Variants in CLEC4C observed in about 807,000 individuals in gnomAD.
CLEC4C encodes C-type lectin domain family 4 member C.
Under a neutral mutation model 27.7 loss-of-function variants are expected in CLEC4C, and 17 were observed. The observed-to-expected ratio is 0.61, with a 90% CI of 0.42 to 0.92. The LOEUF (loss-of-function observed/expected upper bound fraction) is 0.92, where lower values mean the gene tolerates loss of function less well. CLEC4C is among the 40% of genes least tolerant of loss of function. The probability of loss-of-function intolerance (pLI) is 0.00; values close to 1 mark genes in which losing one functional copy is unlikely to be tolerated. For missense variants in CLEC4C, 244 were observed against 257.3 expected (o/e 0.95, Z 0.35); for synonymous variants, 80 against 80.8 (o/e 0.99, Z 0.06).
chr12:7,731,060 G>C, intron 4 of CLEC4C, 148 bp from the exon 5 acceptor site: 1 of 509,652 alleles, frequency 2.0e-6, no homozygotes, highest in Non-Finnish European at 3.6e-6. Context: ...CAGACAGAAA[G>C]AGCAGACAGC....
chr12:7,737,901 G>A (rs1864765285), intron 3 of CLEC4C, among the ~76,000 whole-genome samples: 1 of 152,100 alleles, frequency 6.6e-6, no homozygotes, highest in Non-Finnish European at 1.5e-5. Flanking sequence ...AAAAGAACAT[G>A]AGTATGGCAA....
At chr12:7,736,493 T>G (rs1328010403) in intron 4 of CLEC4C, among the ~76,000 whole-genome samples, 4 of 152,200 alleles carry the variant, frequency 2.6e-5, no homozygotes, top group Non-Finnish European at 5.9e-5. Context: ...ATTTTTCCAT[T>G]TTTCAAATTC....
At chr12:7,747,223 T>C in intron 1 of CLEC4C, 95 bp downstream of exon 1, 2 of 1,071,404 alleles carry the variant, frequency 1.9e-6, no homozygotes, top group Non-Finnish European at 2.9e-6. Context: ...GCTGTCTACT[T>C]CTTCTTCCAA....
chr12:7,737,297 G>A, intron 4 of CLEC4C, 132 bp downstream of exon 4: 1 of 754,898 alleles, frequency 1.3e-6, no homozygotes, highest in East Asian at 2.8e-5. Context: ...TGTGTTTTTT[G>A]TTTTTTGGGT....
chr12:7,738,919 CG>C (rs1864789198), intron 3 of CLEC4C, among the ~76,000 whole-genome samples: 2 of 151,800 alleles, frequency 1.3e-5, no homozygotes. Flanking sequence ...CCCATTAACT[CG>C]TCATTTATGT....
intron 4 of CLEC4C, among the ~76,000 whole-genome samples, chr12:7,736,034 A>G (rs1296789869): frequency 6.6e-6 from 1 of 152,178 alleles, no homozygotes; most frequent in African/African-American, 2.4e-5. Context: ...CTGTAATCCC[A>G]GAACTTTGGG....
At position 7,729,508 on chromosome 12, in the gene CLEC4C, C is replaced by T. The variant is rs148648232; in HGVS notation, c.*88G>A. The stretch of plus-strand genomic sequence containing the variant: ...AAACATTTTAGGGGCATTCCTTGTA[C>T]AAAACTTACACATAAATTAAAAAAT... On this transcript the variant is annotated 3_prime_UTR_variant, in exon 6 of 6. Coordinates refer to ENST00000360345, the MANE Select transcript of CLEC4C (RefSeq NM_001371390.1). The T allele has an allele frequency of 2.7e-4, 351 of 1,295,246 alleles. 2 individuals are homozygous for T. In the East Asian group the frequency reaches 7.0e-3, roughly 26 times the overall value. The allele number at this position is 1,295,246 out of a possible 1,614,324, so 80.2% of individuals were successfully genotyped here.
chr12:7,729,498 A>G lies in CLEC4C; in HGVS notation c.*98T>C. ...CAGCCTGCTGAAACATTTTAGGGGC[A>G]TTCCTTGTACAAAACTTACACATAA... On this transcript the variant is annotated 3_prime_UTR_variant, in exon 6 of 6. Coordinates refer to ENST00000360345, the MANE Select transcript of CLEC4C (RefSeq NM_001371390.1). 3 of 1,101,482 alleles carry G rather than the reference A, an allele frequency of 2.7e-6. No individual in the cohort carries two copies. The highest frequency in any genetic ancestry group is 4.0e-6 in the Non-Finnish European group (3 of 757,394). 68.2% of individuals were successfully genotyped at this position (1,101,482 alleles called of 1,614,324 possible).
chr12:7,737,608 TAAC>T, intron 3 of CLEC4C, 34 bp from the exon 4 acceptor site: 2 of 1,586,820 alleles, frequency 1.3e-6, no homozygotes, highest in Non-Finnish European at 1.7e-6. Context: ...GAAAAAATAT[TAAC>T]AGAGAATTCT....
chr12:7,737,025 G>A (rs1177248023), intron 4 of CLEC4C, among the ~76,000 whole-genome samples: 1 of 152,156 alleles, frequency 6.6e-6, no homozygotes, highest in Non-Finnish European at 1.5e-5. Flanking sequence ...GAGGTCAGTA[G>A]TTCAAGATCA....
intron 5 of CLEC4C, 52 bp from the exon 6 acceptor site, chr12:7,729,792 G>A: frequency 1.4e-5 from 22 of 1,562,786 alleles, no homozygotes; most frequent in Non-Finnish European, 1.8e-5. Flanking sequence ...TTTGGAAAAG[G>A]TTAGAGACTG....
chr12:7,730,024 G>T (rs559965919), intron 5 of CLEC4C, among the ~76,000 whole-genome samples: 19 of 152,126 alleles, frequency 1.2e-4, no homozygotes, highest in Non-Finnish European at 2.4e-4. Context: ...ATGTCCAAGA[G>T]GATTCCTTCA....
intron 3 of CLEC4C, among the ~76,000 whole-genome samples, chr12:7,741,155 G>A (rs757512575): frequency 6.8e-4 from 103 of 152,208 alleles, no homozygotes; most frequent in African/African-American, 2.5e-3. Flanking sequence ...TAGAGATGCG[G>A]TTTCTCCGCA....
intron 4 of CLEC4C, among the ~76,000 whole-genome samples, chr12:7,737,163 G>A (rs143555742): frequency 7.9e-4 from 120 of 151,960 alleles, no homozygotes; most frequent in African/African-American, 2.6e-3. Context: ...CCCGGGAGGC[G>A]GAGGCTGCAG....
In CLEC4C at chr12:7,736,955, A is replaced by G. The variant is rs143989409; in HGVS notation, c.381+474T>C. 4.6e-3 allele frequency among the ~76,000 whole-genome samples: 707 copies of G among 152,266 alleles called. 4 individuals carry two copies. Among genetic ancestry groups the G allele is most frequent in the African/African-American group, 0.016 (670 of 41,572 alleles). ...AAAAAATAAAGTTATTGTTGGCCACACATGGTGGCTCACGCCTATAATCCC... is the reference window on the plus strand; with the variant it reads ...AAAAAATAAAGTTATTGTTGGCCACGCATGGTGGCTCACGCCTATAATCCC... On this transcript the variant is annotated intron_variant, in intron 4 of 5. Transcript: ENST00000360345.
At position 7,741,522 on chromosome 12, in the gene CLEC4C, T is replaced by C. The variant is rs1864855368; in HGVS notation, c.134A>G (p.Asn45Ser). 1.3e-6 allele frequency: 2 copies of C among 1,577,764 alleles called. No individual in the cohort carries two copies. Among genetic ancestry groups the C allele is most frequent in the Non-Finnish European group, 1.7e-6 (2 of 1,148,886 alleles). ...CTTGACAGTTTTGCTATACATAAAA[T>C]TGTGAGGCACTGGGAAAGAGAAATC... Reference protein sequence around the residue: ...CFTVSSVVPHNFMYSKTVKRL... With the variant: ...CFTVSSVVPHSFMYSKTVKRL... Residue 45 changes from asparagine to serine, a missense_variant, in exon 3 of 6, where the codon AAT (asparagine) becomes AGT (serine). Coordinates refer to ENST00000360345, the MANE Select transcript of CLEC4C (RefSeq NM_001371390.1).
At chr12:7,749,259 T>C (rs991178947), upstream of CLEC4C, 3 of 152,140 alleles carry the variant, frequency 2.0e-5, no homozygotes, top group African/African-American at 7.2e-5. Flanking sequence ...TTGGCTTCTT[T>C]AAAGAATTTT....
chr12:7,746,206 T>G (rs1330784111), intron 2 of CLEC4C, 125 bp downstream of exon 2: 2 of 592,850 alleles, frequency 3.4e-6, no homozygotes, highest in East Asian at 5.9e-5. Flanking sequence ...AGAGCGAGAT[T>G]CCGTCTCAAA....
intron 2 of CLEC4C, among the ~76,000 whole-genome samples, chr12:7,742,584 G>A (rs1864881015): frequency 6.6e-6 from 1 of 151,486 alleles, no homozygotes; most frequent in Non-Finnish European, 1.5e-5. Flanking sequence ...GCCGAGGTGG[G>A]TGGATCATGA....
Sources: allele counts gnomAD v4.1 joint callset (sites outside exome capture counted in the v4.1 genomes callset), GRCh38; gene constraint gnomAD v4.1.1; transcripts MANE v1.5; gene names NCBI Gene and HGNC (gene_info 2026-07-23, HGNC 2026-07-21).